The following ZDHHC14 variants were observed in gnomAD, a reference collection of about 807,000 sequenced individuals.
The protein encoded by ZDHHC14 is zDHHC palmitoyltransferase 14.
A neutral mutation model predicts 47.7 loss-of-function variants in ZDHHC14; 16 were observed. The observed-to-expected ratio is 0.34, with a 90% CI of 0.23 to 0.51. The LOEUF (loss-of-function observed/expected upper bound fraction) is 0.51, where lower values mean the gene tolerates loss of function less well. Among genes scored for constraint, ZDHHC14 ranks in the 20% least tolerant of loss-of-function variants. ZDHHC14 has a pLI of 0.97. For missense variants in ZDHHC14, 515 were observed against 662.5 expected (o/e 0.78, Z 2.44); for synonymous variants, 293 against 278.9 (o/e 1.05, Z -0.50).
At chr6:157,505,820 G>A (rs767540801) in intron 1 of ZDHHC14, among the ~76,000 whole-genome samples, 5 of 152,358 alleles carry the variant, frequency 3.3e-5, no homozygotes, top group Non-Finnish European at 2.9e-5. Context: ...GTAGTCATCA[G>A]AGTTGATATT....
chr6:157,594,555 C>T (rs576622680), intron 3 of ZDHHC14, among the ~76,000 whole-genome samples: 1 of 152,338 alleles, frequency 6.6e-6, no homozygotes, highest in South Asian at 2.1e-4. Context: ...TGGAAAGTGC[C>T]TGGCATGTAG....
In ZDHHC14 at chr6:157,604,251, C is replaced by T. The variant is rs576390837; in HGVS notation, c.565+11105C>T. Among the ~76,000 whole-genome samples the T allele has an allele frequency of 8.0e-5, 12 of 150,392 alleles. No individual in the cohort carries two copies. The South Asian group carries it at 1.3e-3, about 16-fold the overall frequency. On this transcript the variant is annotated intron_variant, in intron 3 of 8. Transcript: ENST00000359775. The stretch of plus-strand genomic sequence containing the variant: ...ACAGTGAACCTTGATCACGCCTCTG[C>T]GCTCCAGCCTGGGTGATGGAGTGAA...
chr6:157,442,361 C>T (rs987953021), intron 1 of ZDHHC14, among the ~76,000 whole-genome samples: 2 of 152,054 alleles, frequency 1.3e-5, no homozygotes, highest in South Asian at 2.1e-4. Flanking sequence ...TCAGCCTGGA[C>T]GATAGAGCGA....
chr6:157,538,129 C>A (rs1781607401), intron 1 of ZDHHC14, among the ~76,000 whole-genome samples: 1 of 152,204 alleles, frequency 6.6e-6, no homozygotes, highest in South Asian at 2.1e-4. Context: ...CTCTGTCACA[C>A]ACAGAGGCTG....
At chr6:157,405,529 G>A (rs1199436411) in intron 1 of ZDHHC14, among the ~76,000 whole-genome samples, 1 of 152,028 alleles carries the variant, frequency 6.6e-6, no homozygotes, top group Non-Finnish European at 1.5e-5. Flanking sequence ...ACCGTGCCTG[G>A]CCGAGCTCAA....
intron 1 of ZDHHC14, among the ~76,000 whole-genome samples, chr6:157,531,700 T>TGG (rs1359674317): frequency 2.6e-5 from 4 of 152,052 alleles, no homozygotes; most frequent in Non-Finnish European, 5.9e-5. Context: ...TAGTGTGTAT[T>TGG]CAGTGGCTGT....
intron 1 of ZDHHC14, among the ~76,000 whole-genome samples, chr6:157,391,334 A>C (rs1028465682): frequency 6.6e-6 from 1 of 152,116 alleles, no homozygotes; most frequent in Non-Finnish European, 1.5e-5. Flanking sequence ...GCTGTGCCCC[A>C]GCTTTTGGAG....
At chr6:157,549,759 G>A (rs552827903) in intron 2 of ZDHHC14, among the ~76,000 whole-genome samples, 1 of 152,314 alleles carries the variant, frequency 6.6e-6, no homozygotes, top group East Asian at 1.9e-4. Flanking sequence ...AGGGAAGGAG[G>A]GAGCCAGAGA....
intron 1 of ZDHHC14, among the ~76,000 whole-genome samples, chr6:157,534,887 T>C (rs901708389): frequency 4.6e-5 from 7 of 152,136 alleles, no homozygotes; most frequent in African/African-American, 1.7e-4. Context: ...GGCCTCTTCC[T>C]GGAATTTTAA....
At chr6:157,555,985 A>G (rs935564496) in intron 2 of ZDHHC14, among the ~76,000 whole-genome samples, 1 of 152,158 alleles carries the variant, frequency 6.6e-6, no homozygotes, top group East Asian at 1.9e-4. Context: ...ACAGAGATGC[A>G]CGCTGGATTC....
intron 1 of ZDHHC14, among the ~76,000 whole-genome samples, chr6:157,435,046 A>G (rs1030410985): frequency 6.6e-5 from 10 of 152,250 alleles, no homozygotes; most frequent in Non-Finnish European, 1.2e-4. Flanking sequence ...CGCTGAACAC[A>G]GATCTCCATG....
intron 3 of ZDHHC14, among the ~76,000 whole-genome samples, chr6:157,599,198 A>G (rs1562499931): frequency 6.6e-6 from 1 of 152,240 alleles, no homozygotes; most frequent in Non-Finnish European, 1.5e-5. Flanking sequence ...GAACCAGAAG[A>G]CTGTCGGGTT....
intron 2 of ZDHHC14, among the ~76,000 whole-genome samples, chr6:157,556,317 A>G (rs1029571854): frequency 2.0e-5 from 3 of 152,146 alleles, no homozygotes; most frequent in Non-Finnish European, 2.9e-5. Flanking sequence ...CCCGGGCCCC[A>G]TGTGTGTGTG....
chr6:157,493,094 T>C (rs1367080975), intron 1 of ZDHHC14, among the ~76,000 whole-genome samples: 1 of 152,108 alleles, frequency 6.6e-6, no homozygotes, highest in Non-Finnish European at 1.5e-5. Context: ...GAGACTGAGG[T>C]GCTACTGCAA....
intron 2 of ZDHHC14, among the ~76,000 whole-genome samples, chr6:157,576,847 T>A (rs902870090): frequency 6.6e-6 from 1 of 152,236 alleles, no homozygotes; most frequent in African/African-American, 2.4e-5. Context: ...CTGTTCCGAA[T>A]CCTTCGGTAA....
intron 2 of ZDHHC14, among the ~76,000 whole-genome samples, chr6:157,587,995 C>T (rs1582982943): frequency 2.0e-5 from 3 of 152,160 alleles, no homozygotes; most frequent in African/African-American, 7.2e-5. Flanking sequence ...TGACTCATGC[C>T]TGTGATCCCA....
intron 1 of ZDHHC14, among the ~76,000 whole-genome samples, chr6:157,479,247 T>C (rs1363633328): frequency 6.6e-6 from 1 of 152,192 alleles, no homozygotes; most frequent in East Asian, 1.9e-4. Context: ...CATAGGAGTG[T>C]TTTGAGGATT....
rs545733074 is a variant in ZDHHC14, at chr6:157,582,649, A to C, written c.407-10339A>C. ...TAAGTGAACTGCCTCTTCTCTCTACATTTCTTTAACATTGTTTCTCTCATT... is the reference window on the plus strand; with the variant it reads ...TAAGTGAACTGCCTCTTCTCTCTACCTTTCTTTAACATTGTTTCTCTCATT... On this transcript the variant is annotated intron_variant, in intron 2 of 8. Coordinates refer to ENST00000359775, the MANE Select transcript of ZDHHC14 (RefSeq NM_024630.3). This position sits in a 1 kb window ranked among gnomAD's most constrained non-coding sequence, Gnocchi z 4.3. Among the ~76,000 whole-genome samples the C allele has an allele frequency of 6.6e-6, 1 of 152,120 alleles. No homozygotes were observed. The highest frequency in any genetic ancestry group is 1.9e-4 in the East Asian group (1 of 5,172).
At chr6:157,449,465 T>C (rs551405977) in intron 1 of ZDHHC14, among the ~76,000 whole-genome samples, 3 of 152,330 alleles carry the variant, frequency 2.0e-5, no homozygotes, top group African/African-American at 7.2e-5. Flanking sequence ...ATATGTTCAA[T>C]GGGGAAAACG....
Sources: gnomAD v4.1 joint callset for allele counts (sites outside exome capture counted in the v4.1 genomes callset) on GRCh38, gnomAD v4.1.1 for gene constraint, Gnocchi (gnomAD v3.1) non-coding constraint, MANE v1.5 for transcripts, NCBI Gene and HGNC (gene_info 2026-07-23, HGNC 2026-07-21) for gene names.